DAP3: variants seen among roughly 807,000 people sequenced by gnomAD.
DAP3 encodes small ribosomal subunit protein mS29.
In DAP3, 28 loss-of-function variants were observed where a neutral mutation model predicts 51.9. The ratio of observed to expected loss-of-function variants is 0.54; its 90% CI spans 0.40 to 0.74. DAP3 has a LOEUF of 0.74. Among genes scored for constraint, DAP3 ranks in the 30% least tolerant of loss-of-function variants. The pLI, the probability that DAP3 is intolerant of heterozygous loss-of-function variation, is 0.00. For missense variants in DAP3, 458 were observed against 483.5 expected (o/e 0.95, Z 0.49); for synonymous variants, 170 against 170.3 (o/e 1.00, Z 0.01).
At chr1:155,724,811 C>T (rs967099137) in intron 4 of DAP3, among the ~76,000 whole-genome samples, 8 of 151,784 alleles carry the variant, frequency 5.3e-5, no homozygotes, top group Admixed American at 3.3e-4. Flanking sequence ...ACAAAATAGC[C>T]GGGCATGGTG....
chr1:155,705,618 G>A (rs190845707), intron 1 of DAP3, among the ~76,000 whole-genome samples: 8,006 of 136,326 alleles, frequency 0.059, 251 homozygotes, highest in African/African-American at 0.082. Flanking sequence ...AAAAAAGAAA[G>A]AAAAAAAAAA....
chr1:155,709,437 C>T (rs369831523), intron 1 of DAP3, among the ~76,000 whole-genome samples: 1 of 152,102 alleles, frequency 6.6e-6, no homozygotes, highest in East Asian at 1.9e-4. Context: ...GGGGATTGTA[C>T]ATGTGAGCCA....
chr1:155,737,657 T>A (rs1659943970), intron 12 of DAP3, among the ~76,000 whole-genome samples: 1 of 147,192 alleles, frequency 6.8e-6, no homozygotes, highest in African/African-American at 2.5e-5. Context: ...CCTGGTGCAG[T>A]GGCTCACACC....
At chr1:155,693,365 C>T (rs1364545275) in intron 1 of DAP3, among the ~76,000 whole-genome samples, 1 of 141,786 alleles carries the variant, frequency 7.1e-6, no homozygotes, top group Non-Finnish European at 1.5e-5. Context: ...TAATATTTTT[C>T]TTCTCAAACC....
At chr1:155,696,126 C>T (rs1354992605) in intron 1 of DAP3, among the ~76,000 whole-genome samples, 6 of 152,166 alleles carry the variant, frequency 3.9e-5, no homozygotes, top group African/African-American at 1.4e-4. Context: ...ATCTGATCTA[C>T]ATAGACTGTA....
intron 3 of DAP3, 80 bp downstream of exon 3, chr1:155,717,208 A>T (rs1657444282): frequency 6.4e-6 from 10 of 1,571,160 alleles, no homozygotes; most frequent in Non-Finnish European, 8.6e-6. Context: ...GGAAAACTGA[A>T]ACTGAAAGAA....
upstream of DAP3, chr1:155,688,300 T>C (rs765994161): frequency 6.4e-7 from 1 of 1,568,166 alleles, no homozygotes; most frequent in Non-Finnish European, 8.6e-7. Context: ...TCGTTTCCCC[T>C]CGCAAAGCGA....
intron 1 of DAP3, among the ~76,000 whole-genome samples, chr1:155,700,767 C>G (rs1558339279): frequency 7.0e-6 from 1 of 142,826 alleles, no homozygotes; most frequent in Admixed American, 6.8e-5. Flanking sequence ...CTCCGCCCAG[C>G]CAGCCGCGCC....
intron 1 of DAP3, among the ~76,000 whole-genome samples, chr1:155,702,415 G>T (rs1193674868): frequency 6.6e-6 from 1 of 152,068 alleles, no homozygotes. Flanking sequence ...AGAGGTTGCC[G>T]TGAGCCAATG....
rs1029576831 is a variant in DAP3 at position 155,704,220 on chromosome 1, G to A, written c.-7-5553G>A. Among the ~76,000 whole-genome samples the A allele has an allele frequency of 3.9e-5, 6 of 152,180 alleles. No individual in the cohort carries two copies. In the East Asian group the frequency reaches 5.8e-4, roughly 15 times the overall value. The stretch of plus-strand genomic sequence containing the variant: ...TTCAGTGGAGAAAATGTTTAAGTCT[G>A]GATGCTGGTAGATCATTTATTTTAA... On this transcript the variant is annotated intron_variant, in intron 1 of 12. Transcript: ENST00000368336.
intron 1 of DAP3, among the ~76,000 whole-genome samples, chr1:155,694,971 AT>A (rs1208893118): frequency 6.6e-6 from 1 of 152,008 alleles, no homozygotes; most frequent in Non-Finnish European, 1.5e-5. Flanking sequence ...ATCTCCCCCT[AT>A]TTTCTTTTTA....
chr1:155,693,860 C>G (rs1654177253), intron 1 of DAP3, among the ~76,000 whole-genome samples: 1 of 141,062 alleles, frequency 7.1e-6, no homozygotes, highest in African/African-American at 3.3e-5. Flanking sequence ...ACTTGGGAGG[C>G]TGAGGCAGGA....
chr1:155,729,129 G>A lies in DAP3; in HGVS notation c.684+7G>A, dbSNP rs919814951. On this transcript the variant is annotated splice_region_variant and intron_variant, in intron 8 of 12. Coordinates refer to ENST00000368336, the MANE Select transcript of DAP3 (RefSeq NM_004632.4). ...GGGAGAAGTGGTTGAACAGGTATAA[G>A]AAAAAACACTGAATGTGTAACATGC... 3 of 1,614,134 alleles carry A rather than the reference G, an allele frequency of 1.9e-6. No homozygotes were observed. The highest frequency in any genetic ancestry group is 2.5e-6 in the Non-Finnish European group (3 of 1,180,032).
At chr1:155,701,121 G>T (rs1371284997) in intron 1 of DAP3, among the ~76,000 whole-genome samples, 1 of 126,640 alleles carries the variant, frequency 7.9e-6, no homozygotes, top group African/African-American at 3.9e-5. Flanking sequence ...CTGCCCGGCC[G>T]CCCCTACTGG....
intron 1 of DAP3, among the ~76,000 whole-genome samples, chr1:155,694,500 G>A (rs1654271587): frequency 7.1e-6 from 1 of 141,614 alleles, no homozygotes; most frequent in East Asian, 1.9e-4. Context: ...GGTTTTTGTT[G>A]TGTTTTCAGG....
rs1349561424 is a variant in DAP3, at chr1:155,693,953, C to T, written c.-8+4779C>T. On this transcript the variant is annotated intron_variant, in intron 1 of 12. Coordinates refer to ENST00000368336, the MANE Select transcript of DAP3 (RefSeq NM_004632.4). ...TCCAGCCTGTGCAACAAGAGCAAAACTCCCTCTCAAAAAAAAAGAAAGAAA... is the reference window on the plus strand; with the variant it reads ...TCCAGCCTGTGCAACAAGAGCAAAATTCCCTCTCAAAAAAAAAGAAAGAAA... Among the ~76,000 whole-genome samples, 2 of 140,438 alleles carry T rather than the reference C, an allele frequency of 1.4e-5. 1 individual carries two copies. Among genetic ancestry groups the T allele is most frequent in the African/African-American group, 6.6e-5 (2 of 30,218 alleles). 92.1% of individuals were successfully genotyped at this position (140,438 alleles called of 152,430 possible).
chr1:155,714,680 T>C (rs536848428), intron 2 of DAP3, among the ~76,000 whole-genome samples: 1 of 151,924 alleles, frequency 6.6e-6, no homozygotes, highest in Admixed American at 6.6e-5. Context: ...CACTTGAACC[T>C]GGGGGCAGAG....
upstream of DAP3, chr1:155,688,320 G>A (rs1379545268): frequency 6.4e-7 from 1 of 1,556,216 alleles, no homozygotes; most frequent in African/African-American, 1.4e-5. Context: ...AACCCAAAAT[G>A]GCGGCGGCAG....
chr1:155,713,675 T>A (rs1181428681), intron 2 of DAP3, among the ~76,000 whole-genome samples: 1 of 152,196 alleles, frequency 6.6e-6, no homozygotes, highest in Non-Finnish European at 1.5e-5. Context: ...ACAGTTTTTT[T>A]AAAATAGAGA....
Sources: gnomAD v4.1 joint callset for allele counts (sites outside exome capture counted in the v4.1 genomes callset) on GRCh38, gnomAD v4.1.1 for gene constraint, MANE v1.5 for transcripts, NCBI Gene and HGNC (gene_info 2026-07-23, HGNC 2026-07-21) for gene names.